ARSJ: variants seen among roughly 807,000 people sequenced by gnomAD.
ARSJ encodes arylsulfatase J.
Under a neutral mutation model 35.9 loss-of-function variants are expected in ARSJ, and 26 were observed. The observed-to-expected ratio is 0.72, with a 90% CI of 0.53 to 1.00. The LOEUF is 1.00. Among genes scored for constraint, ARSJ ranks in the 50% least tolerant of loss-of-function variants. The probability of loss-of-function intolerance (pLI) is 0.00; values close to 1 mark genes in which losing one functional copy is unlikely to be tolerated. For synonymous variants in ARSJ, 294 were observed against 267.6 expected, an observed-to-expected ratio of 1.10 and a Z score of -0.96; for missense variants, 667 against 723.6, an observed-to-expected ratio of 0.92 and a Z score of 0.90.
At chr4:113,944,568 A>G (rs1562360863) in intron 1 of ARSJ, among the ~76,000 whole-genome samples, 1 of 152,088 alleles carries the variant, frequency 6.6e-6, no homozygotes, top group Non-Finnish European at 1.5e-5. Context: ...GGCAAAAGAG[A>G]TAACTGGGTT....
In ARSJ at chr4:113,916,308, A is replaced by G. The variant is rs564092769; in HGVS notation, c.399-12633T>C. Among the ~76,000 whole-genome samples, 22 of 152,256 alleles carry G rather than the reference A, an allele frequency of 1.4e-4. 1 individual carries two copies. Among genetic ancestry groups the G allele is most frequent in the African/African-American group, 3.8e-4 (16 of 41,574 alleles). On this transcript the variant is annotated intron_variant, in intron 1 of 1. Transcript: ENST00000315366. The stretch of plus-strand genomic sequence containing the variant: ...ATGCCTGGATTTGAATTCTGCCTCT[A>G]TAGGCTGTGTAACCTTGAGCATGCC...
At chr4:113,917,455 C>A (rs914764533) in intron 1 of ARSJ, among the ~76,000 whole-genome samples, 1 of 152,032 alleles carries the variant, frequency 6.6e-6, no homozygotes, top group Admixed American at 6.6e-5. Flanking sequence ...AGTGAAAATG[C>A]ATGTAAAAGT....
At chr4:113,924,075 AAATATATAT>A (rs1723882823) in intron 1 of ARSJ, among the ~76,000 whole-genome samples, 1 of 109,546 alleles carries the variant, frequency 9.1e-6, no homozygotes, top group Non-Finnish European at 1.8e-5. Flanking sequence ...AAATATATAT[AAATATATAT>A]ATATATATAT....
rs148950299 is a variant in ARSJ at position 113,963,524 on chromosome 4, G to A, written c.398+14913C>T. On this transcript the variant is annotated intron_variant, in intron 1 of 1. Coordinates refer to ENST00000315366, the MANE Select transcript of ARSJ (RefSeq NM_024590.4). ...ATGAGAACAGCAGCATGGGGGTAAC[G>A]CCACCATGATTCAATTACCTGCTGC... 1.3e-3 allele frequency among the ~76,000 whole-genome samples: 199 copies of A among 152,088 alleles called. 1 individual carries two copies. The highest frequency in any genetic ancestry group is 4.7e-3 in the African/African-American group (193 of 41,496).
intron 1 of ARSJ, among the ~76,000 whole-genome samples, chr4:113,951,028 A>C (rs988993492): frequency 1.1e-4 from 17 of 152,112 alleles, no homozygotes; most frequent in Non-Finnish European, 2.2e-4. Flanking sequence ...TGAAGAAACA[A>C]ATAGAAACCA....
At chr4:113,966,139 T>C (rs902028843) in intron 1 of ARSJ, among the ~76,000 whole-genome samples, 14 of 151,996 alleles carry the variant, frequency 9.2e-5, no homozygotes, top group Non-Finnish European at 1.8e-4. Flanking sequence ...GAATTAATAT[T>C]AAAATACAGG....
intron 1 of ARSJ, among the ~76,000 whole-genome samples, chr4:113,973,161 T>C (rs977589344): frequency 2.6e-5 from 4 of 152,206 alleles, no homozygotes; most frequent in African/African-American, 9.6e-5. Flanking sequence ...GTCCTTGAAA[T>C]ACTTTGCCTT....
intron 1 of ARSJ, among the ~76,000 whole-genome samples, chr4:113,910,816 C>G (rs1464065961): frequency 6.6e-6 from 1 of 152,120 alleles, no homozygotes; most frequent in Non-Finnish European, 1.5e-5. Context: ...ATGGTCTCTG[C>G]TCTCAAGGAA....
At chr4:113,971,759 A>C (rs1353805482) in intron 1 of ARSJ, among the ~76,000 whole-genome samples, 1 of 152,240 alleles carries the variant, frequency 6.6e-6, no homozygotes, top group Non-Finnish European at 1.5e-5. Context: ...GACTGAACTC[A>C]TATAACTAAT....
At chr4:113,920,524 C>T (rs1202319558) in intron 1 of ARSJ, among the ~76,000 whole-genome samples, 1 of 152,134 alleles carries the variant, frequency 6.6e-6, no homozygotes, top group Non-Finnish European at 1.5e-5. Context: ...AATTAGGGAG[C>T]TTCAAGGGGG....
At chr4:113,941,514 T>A (rs1253787410) in intron 1 of ARSJ, among the ~76,000 whole-genome samples, 1 of 152,034 alleles carries the variant, frequency 6.6e-6, no homozygotes, top group Non-Finnish European at 1.5e-5. Flanking sequence ...CTAAAAATCA[T>A]AATTTAATAG....
At position 113,902,520 on chromosome 4, in the gene ARSJ, C is replaced by A. The variant is rs1204940961; in HGVS notation, c.1554G>T (p.Lys518Asn). The A allele has an allele frequency of 6.2e-7, 1 of 1,614,146 alleles. No individual in the cohort carries two copies. The highest frequency in any genetic ancestry group is 8.5e-7 in the Non-Finnish European group (1 of 1,180,020). ...TGAACTGTGAGAGCCTCCGTAGGAG[C>A]TTCTTCACGATTCCTGGATACCTGT... ...LSNRYPGIVKKLLRRLSQFNK... is the reference protein window; with the variant it reads ...LSNRYPGIVKNLLRRLSQFNK... Residue 518 changes from lysine (K) to asparagine (N), a missense_variant, in exon 2 of 2, where the codon AAG becomes AAT. Transcript: ENST00000315366.
At chr4:113,935,680 T>C (rs2149266503) in intron 1 of ARSJ, among the ~76,000 whole-genome samples, 1 of 152,012 alleles carries the variant, frequency 6.6e-6, no homozygotes, top group Non-Finnish European at 1.5e-5. Flanking sequence ...ATGAATGCAT[T>C]TTGTGTATAT....
chr4:113,969,834 G>C (rs939885628), intron 1 of ARSJ, among the ~76,000 whole-genome samples: 1 of 151,956 alleles, frequency 6.6e-6, no homozygotes, highest in Admixed American at 6.6e-5. Flanking sequence ...CATTTACTTA[G>C]TGCCTATTAG....
chr4:113,906,940 T>A (rs79696755), intron 1 of ARSJ, among the ~76,000 whole-genome samples: 8,644 of 152,290 alleles, frequency 0.057, 323 homozygotes, highest in East Asian at 0.11. Context: ...TAAGTTTCAC[T>A]GCAACAGTGA....
chr4:113,926,791 G>A (rs4640731), intron 1 of ARSJ, among the ~76,000 whole-genome samples: 110,018 of 152,060 alleles, frequency 0.72, 40,346 homozygotes, highest in East Asian at 0.81. Flanking sequence ...ATAGTCAGAC[G>A]TTCAGTTTCC....
chr4:113,925,012 A>T (rs1292376405), intron 1 of ARSJ, among the ~76,000 whole-genome samples: 3 of 152,056 alleles, frequency 2.0e-5, no homozygotes, highest in African/African-American at 7.2e-5. Context: ...GGGCTGTTGT[A>T]GTTTCCCATT....
At chr4:113,940,938 C>T (rs13143253) in intron 1 of ARSJ, among the ~76,000 whole-genome samples, 27,731 of 151,816 alleles carry the variant, frequency 0.18, 2,964 homozygotes, top group East Asian at 0.4. Context: ...TTTCTTTGTT[C>T]TCTTCCAGTT....
chr4:113,972,484 C>T (rs546926405), intron 1 of ARSJ, among the ~76,000 whole-genome samples: 1 of 152,058 alleles, frequency 6.6e-6, no homozygotes, highest in African/African-American at 2.4e-5. Context: ...CCAATATGCC[C>T]ACTGTTATTT....
Sources: allele counts gnomAD v4.1 joint callset (sites outside exome capture counted in the v4.1 genomes callset), GRCh38; gene constraint gnomAD v4.1.1; transcripts MANE v1.5; gene names NCBI Gene and HGNC (gene_info 2026-07-23, HGNC 2026-07-21).